IPO5: variants seen among roughly 807,000 people sequenced by gnomAD.
IPO5 encodes importin 5.
Under a neutral mutation model 143.3 loss-of-function variants are expected in IPO5, and 18 were observed. That is an observed-to-expected ratio of 0.13 (90% confidence interval 0.09 to 0.19). IPO5 has a LOEUF of 0.19. IPO5 is among the 10% of genes least tolerant of loss of function. The pLI, the probability that IPO5 is intolerant of heterozygous loss-of-function variation, is 1.00. For missense variants in IPO5, 1,013 were observed against 1,336.9 expected (o/e 0.76, Z 3.78); for synonymous variants, 477 against 465.7 (o/e 1.02, Z -0.31).
chr13:97,971,826 T>C (rs1458444449), intron 3 of IPO5, among the ~76,000 whole-genome samples: 1 of 152,186 alleles, frequency 6.6e-6, no homozygotes, highest in Non-Finnish European at 1.5e-5. Flanking sequence ...TAAGGTCACA[T>C]TTAACTCCCA....
chr13:97,978,431 A>G (rs1002324746), intron 4 of IPO5, among the ~76,000 whole-genome samples: 3 of 152,208 alleles, frequency 2.0e-5, no homozygotes, highest in Admixed American at 1.3e-4. Context: ...TTTTAAAAAT[A>G]GTACTATGCG....
intron 7 of IPO5, among the ~76,000 whole-genome samples, chr13:97,989,605 A>G (rs1887655307): frequency 6.6e-6 from 1 of 152,164 alleles, no homozygotes; most frequent in African/African-American, 2.4e-5. Context: ...TTTATAACCA[A>G]ATAGTCTAAG....
intron 2 of IPO5, among the ~76,000 whole-genome samples, chr13:97,964,650 C>T (rs992298623): frequency 4.0e-5 from 6 of 151,764 alleles, no homozygotes; most frequent in Non-Finnish European, 8.8e-5. Flanking sequence ...GGGGTTTCAC[C>T]GTGTTAGCCA....
At chr13:97,980,178 C>T (rs1594053347) in intron 4 of IPO5, among the ~76,000 whole-genome samples, 3 of 152,280 alleles carry the variant, frequency 2.0e-5, no homozygotes, top group South Asian at 2.1e-4. Flanking sequence ...TAATATGCTA[C>T]GTACTTAGAT....
chr13:97,961,959 T>C (rs958837740), intron 2 of IPO5, among the ~76,000 whole-genome samples: 10 of 151,866 alleles, frequency 6.6e-5, no homozygotes. Flanking sequence ...CAAAACCCCA[T>C]CTCTACTAAA....
At chr13:97,983,278 TA>T (rs1440638766) in intron 5 of IPO5, among the ~76,000 whole-genome samples, 2 of 151,960 alleles carry the variant, frequency 1.3e-5, no homozygotes, top group African/African-American at 4.9e-5. Context: ...TTTGAAAAAA[TA>T]TTTTTTTCCC....
chr13:98,005,165 G>A (rs2139788927), intron 16 of IPO5, among the ~76,000 whole-genome samples: 1 of 150,656 alleles, frequency 6.6e-6, no homozygotes, highest in African/African-American at 2.4e-5. Context: ...CCAAAGTGCT[G>A]GGATTACAGG....
chr13:97,984,249 A>T (rs1265700018), intron 5 of IPO5, among the ~76,000 whole-genome samples: 1 of 152,068 alleles, frequency 6.6e-6, no homozygotes, highest in Non-Finnish European at 1.5e-5. Context: ...AAGTGCTGGG[A>T]TTACAGGCGT....
At chr13:97,998,217 C>T (rs1307819476) in intron 12 of IPO5, among the ~76,000 whole-genome samples, 5 of 152,170 alleles carry the variant, frequency 3.3e-5, no homozygotes, top group Admixed American at 2.0e-4. Context: ...CATCATGATC[C>T]GCCCGCCTCG....
At chr13:97,957,856 T>A (rs1239670298) in intron 2 of IPO5, among the ~76,000 whole-genome samples, 1 of 151,962 alleles carries the variant, frequency 6.6e-6, no homozygotes, top group Non-Finnish European at 1.5e-5. Context: ...AGAAACCCTG[T>A]CTTCTGTAAT....
chr13:97,966,777 G>A (rs868478518), intron 2 of IPO5, among the ~76,000 whole-genome samples: 2 of 152,126 alleles, frequency 1.3e-5, no homozygotes, highest in Non-Finnish European at 2.9e-5. Flanking sequence ...AGTGGCTCAC[G>A]CCTGTAGTCA....
chr13:97,995,617 G>T (rs778395120), intron 11 of IPO5, among the ~76,000 whole-genome samples: 1 of 152,002 alleles, frequency 6.6e-6, no homozygotes, highest in Non-Finnish European at 1.5e-5. Context: ...TTAGCCGGGC[G>T]TGGTGGCGGG....
chr13:98,010,506 C>G (rs1375655385), intron 20 of IPO5, among the ~76,000 whole-genome samples: 1 of 152,046 alleles, frequency 6.6e-6, no homozygotes, highest in Admixed American at 6.6e-5. Flanking sequence ...AGTTTATAAG[C>G]TACATGAGGG....
rs754256373 is a variant in IPO5 at position 97,989,028 on chromosome 13, AC to A, written c.365-33del. On this transcript the variant is annotated intron_variant, in intron 6 of 28. Transcript: ENST00000651721. ...TCCTAGTATATTGAAGTTCTGACTTACACAACTTTATGTCTGGATTTCTTTA... is the reference window on the plus strand; with the variant it reads ...TCCTAGTATATTGAAGTTCTGACTTAACAACTTTATGTCTGGATTTCTTTA... The A allele has an allele frequency of 9.4e-6, 12 of 1,273,264 alleles. No homozygotes were observed. In the African/African-American group the frequency reaches 1.6e-4, roughly 17 times the overall value. 78.9% of individuals were successfully genotyped at this position (1,273,264 alleles called of 1,614,324 possible).
intron 2 of IPO5, among the ~76,000 whole-genome samples, chr13:97,965,520 T>C (rs1885257804): frequency 6.6e-6 from 1 of 152,214 alleles, no homozygotes; most frequent in South Asian, 2.1e-4. Flanking sequence ...AGATCTTCTT[T>C]AATTTCTTCC....
intron 16 of IPO5, among the ~76,000 whole-genome samples, chr13:98,003,454 C>CT (rs1888964073): frequency 6.6e-6 from 1 of 152,184 alleles, no homozygotes. Context: ...GACCATCATA[C>CT]TGTCATCGTC....
chr13:97,985,977 G>C (rs1177543197), intron 6 of IPO5, among the ~76,000 whole-genome samples: 1 of 152,080 alleles, frequency 6.6e-6, no homozygotes, highest in East Asian at 1.9e-4. Flanking sequence ...TAGTGGGCGT[G>C]ATGGTGTGCA....
intron 7 of IPO5, 38 bp from the exon 8 acceptor site, chr13:97,990,088 T>C (rs962539102): frequency 1.7e-6 from 2 of 1,179,540 alleles, no homozygotes; most frequent in Non-Finnish European, 2.5e-6. Context: ...GATATTAATA[T>C]AATGTAGTTT....
At chr13:97,998,259 G>A (rs1888469574) in intron 12 of IPO5, among the ~76,000 whole-genome samples, 1 of 152,246 alleles carries the variant, frequency 6.6e-6, no homozygotes, top group South Asian at 2.1e-4. Flanking sequence ...ACAGGCGTGA[G>A]CCACCGCACC....
Sources: allele counts gnomAD v4.1 joint callset (sites outside exome capture counted in the v4.1 genomes callset), GRCh38; gene constraint gnomAD v4.1.1; transcripts MANE v1.5; gene names NCBI Gene and HGNC (gene_info 2026-07-23, HGNC 2026-07-21).